The following DPH6 variants were observed in gnomAD, a reference collection of about 807,000 sequenced individuals.
DPH6 encodes diphthine--ammonia ligase.
A neutral mutation model predicts 38.2 loss-of-function variants in DPH6; 33 were observed. That is an observed-to-expected ratio of 0.86 (90% CI 0.65 to 1.15). The LOEUF (loss-of-function observed/expected upper bound fraction) is 1.15. Among genes scored for constraint, DPH6 ranks in the 50% most tolerant of loss-of-function variants. The pLI is 0.00. For synonymous variants in DPH6, 108 were observed against 103.0 expected (o/e 1.05, Z -0.30); for missense variants, 325 against 320.0 (o/e 1.02, Z -0.12).
At chr15:35,322,964 ACT>A (rs1040225154) in intron 3 of DPH6, among the ~76,000 whole-genome samples, 11 of 152,094 alleles carry the variant, frequency 7.2e-5, no homozygotes, top group South Asian at 4.2e-4. Context: ...AAAAAGGAAA[ACT>A]CTCTTCAGTT....
chr15:35,417,132 C>T (rs922196462), intron 5 of DPH6, among the ~76,000 whole-genome samples: 4 of 152,034 alleles, frequency 2.6e-5, no homozygotes, highest in African/African-American at 9.7e-5. Flanking sequence ...ACTTAATTTT[C>T]TTGCACTTCC....
chr15:35,478,366 TACACAC>T (rs66521447), intron 3 of DPH6, among the ~76,000 whole-genome samples: 11,238 of 141,538 alleles, frequency 0.079, 526 homozygotes, highest in Non-Finnish European at 0.097. Context: ...TACCCACACA[TACACAC>T]ACACACACAC....
chr15:35,473,841 G>A (rs1043864514), intron 3 of DPH6, among the ~76,000 whole-genome samples: 1 of 151,428 alleles, frequency 6.6e-6, no homozygotes, highest in Non-Finnish European at 1.5e-5. Flanking sequence ...AAATGAGAAA[G>A]CTCTTTACTA....
intron 3 of DPH6, among the ~76,000 whole-genome samples, chr15:35,483,474 C>CAA (rs372002791): frequency 6.5e-5 from 8 of 123,828 alleles, no homozygotes; most frequent in East Asian, 4.5e-4. Flanking sequence ...AAAAAAAAAC[C>CAA]AAAAAAAAAA....
downstream of DPH6, among the ~76,000 whole-genome samples, chr15:35,212,836 T>C (rs1039749130): frequency 1.3e-5 from 2 of 152,354 alleles, no homozygotes; most frequent in South Asian, 2.1e-4. Context: ...TGATATCTAA[T>C]GTAAATGCTT....
At chr15:35,508,143 T>C (rs1566935012) in intron 3 of DPH6, among the ~76,000 whole-genome samples, 1 of 152,074 alleles carries the variant, frequency 6.6e-6, no homozygotes, top group Non-Finnish European at 1.5e-5. Flanking sequence ...AGGGGCATGG[T>C]GCTGGCATCT....
intron 5 of DPH6, among the ~76,000 whole-genome samples, chr15:35,419,777 T>A (rs1188737697): frequency 1.3e-5 from 2 of 152,118 alleles, no homozygotes; most frequent in East Asian, 3.9e-4. Context: ...GCACCCAACA[T>A]TGCAGCACAT....
Position 35,477,329 on chromosome 15 carries a change from T to G in DPH6, c.313-22509A>C, listed in dbSNP as rs562785120. On this transcript the variant is annotated intron_variant, in intron 3 of 8. Transcript: ENST00000256538. ...TGAGGGGAGTGGATTTTCTCTTAAA[T>G]ATTAACTTGGAGTTGTTGCACTTTG... is the stretch of plus-strand genomic sequence containing the variant. Among the ~76,000 whole-genome samples, 53 of 151,972 alleles carry G rather than the reference T, an allele frequency of 3.5e-4. No homozygotes were observed. In the East Asian group the frequency reaches 8.1e-3, roughly 23 times the overall value.
At chr15:35,169,826 T>G in the DPH6 span, 1 of 152,316 alleles carries the variant, frequency 6.6e-6, no homozygotes, top group Middle Eastern at 3.4e-3. Context: ...GAAAGGCTTT[T>G]GCTTTAAACA....
intron 3 of DPH6, among the ~76,000 whole-genome samples, chr15:35,518,701 AG>A (rs1278925424): frequency 6.6e-6 from 1 of 152,044 alleles, no homozygotes; most frequent in Non-Finnish European, 1.5e-5. Flanking sequence ...ACATAAATCC[AG>A]AAATTGCCAG....
intron 3 of DPH6, among the ~76,000 whole-genome samples, chr15:35,346,798 T>G (rs1018010984): frequency 6.6e-6 from 1 of 152,126 alleles, no homozygotes; most frequent in East Asian, 1.9e-4. Context: ...AATTTTGATA[T>G]GTGAATTTTT....
chr15:35,370,917 A>G lies in DPH6; in HGVS notation c.*1233T>C, dbSNP rs1045680673. On this transcript the variant is annotated 3_prime_UTR_variant, in exon 9 of 9. Transcript: ENST00000256538. The stretch of plus-strand genomic sequence containing the variant: ...TATAGTCGCTTTATTCATAATCGCC[A>G]AAACATGGAAGCAACTGAGATGTTC... The G allele has an allele frequency of 2.6e-5, 4 of 151,806 alleles. No homozygotes were observed. The highest frequency in any genetic ancestry group is 9.7e-5 in the African/African-American group (4 of 41,398). The allele number at this position is 151,806 out of a possible 1,614,324, so 9.4% of individuals were successfully genotyped here. A position where few individuals can be genotyped will look rare whatever the true frequency, so the allele number is the denominator to read the frequency against.
the DPH6 span, among the ~76,000 whole-genome samples, chr15:35,185,724 C>CTTT: frequency 2.0e-3 from 166 of 82,974 alleles, 1 homozygote; most frequent in African/African-American, 3.6e-3. Flanking sequence ...CCAATCCACT[C>CTTT]TTTTTTTTTT....
chr15:35,492,055 T>C (rs1390142183), intron 3 of DPH6, among the ~76,000 whole-genome samples: 2 of 152,014 alleles, frequency 1.3e-5, no homozygotes. Flanking sequence ...GTGGATTAGT[T>C]TGAAGGCTTA....
At chr15:35,507,320 T>C (rs1229019399) in intron 3 of DPH6, among the ~76,000 whole-genome samples, 1 of 152,048 alleles carries the variant, frequency 6.6e-6, no homozygotes, top group Non-Finnish European at 1.5e-5. Context: ...ATAAAAATTT[T>C]ATTTCTCTCA....
At chr15:35,261,320 T>C (rs1018849987) in intron 3 of DPH6, among the ~76,000 whole-genome samples, 1 of 152,228 alleles carries the variant, frequency 6.6e-6, no homozygotes, top group Non-Finnish European at 1.5e-5. Flanking sequence ...AGTCCAGTAT[T>C]ACCCAGCTTT....
At chr15:35,539,952 T>C (rs930466657) in intron 2 of DPH6, among the ~76,000 whole-genome samples, 3 of 152,068 alleles carry the variant, frequency 2.0e-5, no homozygotes, top group Non-Finnish European at 4.4e-5. Flanking sequence ...GTAGAGAACA[T>C]AGCCAAAGTT....
At chr15:35,273,466 C>T (rs773319878) in intron 3 of DPH6, among the ~76,000 whole-genome samples, 86 of 152,274 alleles carry the variant, frequency 5.6e-4, no homozygotes, top group Non-Finnish European at 1.1e-3. Context: ...TGTCTGTTTG[C>T]GGACTACATG....
rs527978990 is a variant in DPH6 at position 35,262,422 on chromosome 15, C to A, written n.201-41840G>T. On this transcript the variant is annotated intron_variant and non_coding_transcript_variant, in intron 3 of 3. Transcript: ENST00000560386. ...TAAGTGATTTTTTTTAAAAAGATAC[C>A]TTGGCTGGGTGCAGTGGCTCACGCC... Among the ~76,000 whole-genome samples the A allele has an allele frequency of 4.6e-5, 7 of 152,028 alleles. 1 individual carries two copies. The East Asian group carries it at 1.4e-3, about 29-fold the overall frequency.
Sources: gnomAD v4.1 joint callset for allele counts (sites outside exome capture counted in the v4.1 genomes callset) on GRCh38, gnomAD v4.1.1 for gene constraint, MANE v1.5 for transcripts, NCBI Gene and HGNC (gene_info 2026-07-23, HGNC 2026-07-21) for gene names.